SLC44A2: variants seen among roughly 807,000 people sequenced by gnomAD.
SLC44A2 encodes the protein choline transporter-like protein 2.
In SLC44A2, 57 loss-of-function variants were observed where a neutral mutation model predicts 90.8. That is an observed-to-expected ratio of 0.63 (90% CI 0.51 to 0.78). The LOEUF is 0.78. Among genes scored for constraint, SLC44A2 ranks in the 30% least tolerant of loss-of-function variants. The pLI is 0.00. For synonymous variants in SLC44A2, 355 were observed against 360.7 expected (o/e 0.98, Z 0.18); for missense variants, 794 against 919.7 (o/e 0.86, Z 1.77).
chr19:10,616,609 A>G (rs569576249), intron 1 of SLC44A2, among the ~76,000 whole-genome samples: 35 of 152,040 alleles, frequency 2.3e-4, no homozygotes, highest in Non-Finnish European at 3.4e-4. Context: ...TCACGCCTGT[A>G]ATCCCAGCAC....
Position 10,631,181 on chromosome 19 carries a change from T to C in SLC44A2, c.330+40T>C, listed in dbSNP as rs760929566. 3.1e-6 allele frequency: 5 copies of C among 1,606,666 alleles called. No homozygotes were observed. In the Admixed American group the frequency reaches 8.3e-5, roughly 27 times the overall value. On this transcript the variant is annotated intron_variant, in intron 5 of 21. Coordinates refer to ENST00000335757, the MANE Select transcript of SLC44A2 (RefSeq NM_020428.4). Reference sequence around the variant, plus strand: ...ACCGTTCCCTTTTTCCTCTCCCCGCTTCCCATCCTTTTCCCCCTGTGAATG... The same window carrying C: ...ACCGTTCCCTTTTTCCTCTCCCCGCCTCCCATCCTTTTCCCCCTGTGAATG...
intron 1 of SLC44A2, among the ~76,000 whole-genome samples, chr19:10,611,437 G>A (rs1918301861): frequency 6.6e-6 from 1 of 151,564 alleles, no homozygotes; most frequent in South Asian, 2.1e-4. Flanking sequence ...GGGCAAGAGA[G>A]TGAGACACTA....
At chr19:10,631,826 A>T in intron 8 of SLC44A2, 42 bp from the exon 9 acceptor site, 1 of 1,614,220 alleles carries the variant, frequency 6.2e-7, no homozygotes, top group Non-Finnish European at 8.5e-7. Flanking sequence ...TGGCCTGATC[A>T]TGGAAGAGGG....
Position 10,627,788 on chromosome 19 carries a change from C to T in SLC44A2, c.153C>T (p.Gly51=), listed in dbSNP as rs748151535. ...LLAIVGYVAV[G]IIAWTHGDPR... ...CCATTGTGGGCTACGTGGCTGTAGG[C>T]ATCATAGGTGAGTAGAGAATGAGCA... is the stretch of plus-strand genomic sequence containing the variant. Residue 51 remains glycine, a synonymous_variant, in exon 3 of 22, where the codon GGC becomes GGT. Coordinates refer to ENST00000335757, the MANE Select transcript of SLC44A2 (RefSeq NM_020428.4). 9.3e-6 allele frequency: 15 copies of T among 1,613,978 alleles called. No individual in the cohort carries two copies. Among genetic ancestry groups the T allele is most frequent in the East Asian group, 4.5e-5 (2 of 44,882 alleles).
chr19:10,634,310 C>A (rs1267076824), intron 10 of SLC44A2, among the ~76,000 whole-genome samples: 1 of 149,274 alleles, frequency 6.7e-6, no homozygotes, highest in East Asian at 2.1e-4. Flanking sequence ...ATTAAAAATA[C>A]AAAATTAGCC....
chr19:10,605,564 A>G (rs571534873), intron 1 of SLC44A2, among the ~76,000 whole-genome samples: 2 of 151,752 alleles, frequency 1.3e-5, no homozygotes, highest in African/African-American at 2.4e-5. Context: ...TAGTGTACCT[A>G]TAGTCCCAGC....
upstream of SLC44A2, among the ~76,000 whole-genome samples, chr19:10,621,625 T>A (rs1447791129): frequency 1.3e-5 from 2 of 151,690 alleles, no homozygotes; most frequent in Non-Finnish European, 2.9e-5. Context: ...TAATTTAATT[T>A]ATTTATTTTT....
At chr19:10,637,977 G>C in intron 18 of SLC44A2, 46 bp from the exon 19 acceptor site, 1 of 1,613,886 alleles carries the variant, frequency 6.2e-7, no homozygotes, top group Non-Finnish European at 8.5e-7. Context: ...TCTTCCCCTA[G>C]TCCCTGAAGC....
At chr19:10,634,619 G>A (rs1354194379) in intron 10 of SLC44A2, 137 bp from the exon 11 acceptor site, 45 of 1,193,222 alleles carry the variant, frequency 3.8e-5, no homozygotes, top group African/African-American at 6.0e-5. Flanking sequence ...AGAATGCACC[G>A]GGCGGTGGGA....
At chr19:10,619,044 A>G (rs1432739617) in intron 1 of SLC44A2, among the ~76,000 whole-genome samples, 1 of 149,992 alleles carries the variant, frequency 6.7e-6, no homozygotes, top group Non-Finnish European at 1.5e-5. Context: ...AGCTCCCTGA[A>G]ACCTGAACCT....
In SLC44A2 at chr19:10,635,450, G is replaced by A. The variant is rs150407692; in HGVS notation, c.1168G>A (p.Glu390Lys). Residue 390 changes from glutamate to lysine, a missense_variant, in exon 14 of 22, where the codon GAA (glutamate) becomes AAA (lysine). Around this residue, in one of 3 missense-constraint regions of SLC44A2, gnomAD observed 738 missense variants for 841.1 expected, o/e 0.88. Transcript: ENST00000335757. ...CTCCAGCTTCCTGTCCACTTCCAAC[G>A]AAGCGGTCTATAAGATCTTTGATGA... is the stretch of plus-strand genomic sequence containing the variant. ...STAVFLSTSN[E>K]AVYKIFDDSP... is the part of the protein sequence containing the mutation. 8 of 1,613,970 alleles carry A rather than the reference G, an allele frequency of 5.0e-6. No individual in the cohort carries two copies. Among genetic ancestry groups the A allele is most frequent in the South Asian group, 4.4e-5 (4 of 91,074 alleles).
Position 10,638,075 on chromosome 19 carries a change from C to G in SLC44A2, c.1822C>G (p.Leu608Val), listed in dbSNP as rs989273778. The G allele has an allele frequency of 5.0e-6, 8 of 1,614,004 alleles. No homozygotes were observed. The highest frequency in any genetic ancestry group is 6.8e-6 in the Non-Finnish European group (8 of 1,179,988). ...CTTCCTCTTCCTGTTGGGCAAACTT[C>G]TGATCGTTGGTAGTGTGGGTGAGTG... is the stretch of plus-strand genomic sequence containing the variant. ...TDFLFLLGKL[L>V]IVGSVGILAF... The change falls in exon 19 of 22, where the codon CTG (leucine) becomes GTG (valine). Residue 608 changes from leucine (L) to valine (V), a missense_variant. Transcript: ENST00000335757.
intron 16 of SLC44A2, 144 bp from the exon 17 acceptor site, chr19:10,637,500 C>T: frequency 4.3e-6 from 3 of 703,302 alleles, no homozygotes; most frequent in Admixed American, 2.4e-5. Flanking sequence ...CAGCCTCAAA[C>T]TCCTGGGCTT....
chr19:10,628,644 A>G (rs2066960451), intron 4 of SLC44A2, among the ~76,000 whole-genome samples: 2 of 152,122 alleles, frequency 1.3e-5, no homozygotes, highest in African/African-American at 4.8e-5. Flanking sequence ...GCTCTAAATG[A>G]GATAGTAAGC....
intron 16 of SLC44A2, chr19:10,636,984 A>G (rs1352325670): frequency 1.6e-5 from 9 of 546,942 alleles, no homozygotes; most frequent in Admixed American, 9.8e-5. Context: ...GGACAGGCCC[A>G]AGAGGCCTGG....
chr19:10,635,266 C>T lies in SLC44A2; in HGVS notation c.1148+11C>T. 1 of 1,613,896 alleles carries T rather than the reference C, an allele frequency of 6.2e-7. No homozygotes were observed. The highest frequency in any genetic ancestry group is 2.2e-5 in the East Asian group (1 of 44,890). On this transcript the variant is annotated intron_variant, in intron 13 of 21. Coordinates refer to ENST00000335757, the MANE Select transcript of SLC44A2 (RefSeq NM_020428.4). The stretch of plus-strand genomic sequence containing the variant: ...GGCCAGCACTGCTGTGTATCTGCCC[C>T]CAGACACTGATCTCTGACCCCAGGG...
intron 1 of SLC44A2, among the ~76,000 whole-genome samples, chr19:10,616,316 C>T (rs147678098): frequency 1.3e-5 from 2 of 152,182 alleles, no homozygotes; most frequent in East Asian, 1.9e-4. Flanking sequence ...CTGCAACCTC[C>T]GTCTCCCCCG....
At chr19:10,616,791 G>A (rs2066858674) in intron 1 of SLC44A2, among the ~76,000 whole-genome samples, 1 of 152,084 alleles carries the variant, frequency 6.6e-6, no homozygotes, top group Non-Finnish European at 1.5e-5. Flanking sequence ...TGCCAAGGCT[G>A]TAGTACAATG....
chr19:10,643,197 A>C (rs2144900874), intron 21 of SLC44A2, 82 bp from the exon 22 acceptor site: 6 of 1,511,100 alleles, frequency 4.0e-6, no homozygotes, highest in Middle Eastern at 1.8e-4. Context: ...CTTCTCTGTG[A>C]CCCTCATCCA....
Sources: allele counts gnomAD v4.1 joint callset (sites outside exome capture counted in the v4.1 genomes callset), GRCh38; gene constraint gnomAD v4.1.1; regional missense constraint gnomAD v4.1.1; transcripts MANE v1.5; gene names NCBI Gene and HGNC (gene_info 2026-07-23, HGNC 2026-07-21).